The following ATP6V1E2 variants were observed in gnomAD, a reference collection of about 807,000 sequenced individuals.
ATP6V1E2 encodes the protein V-type proton ATPase subunit E 2.
For missense variants in ATP6V1E2, 308 were observed against 273.3 expected, an observed-to-expected ratio of 1.13 and a Z score of -0.90; for synonymous variants, 121 against 104.2, an observed-to-expected ratio of 1.16 and a Z score of -0.98.
At chr2:46,518,480 A>G (rs981549691) in intron 4 of ATP6V1E2, among the ~76,000 whole-genome samples, 2 of 108,660 alleles carry the variant, frequency 1.8e-5, no homozygotes, top group African/African-American at 7.6e-5. Context: ...TTTGTTACAC[A>G]CACACACACA....
At chr2:46,518,790 G>GTGTGTGTGTC (rs1195339858) in intron 4 of ATP6V1E2, among the ~76,000 whole-genome samples, 1 of 68,760 alleles carries the variant, frequency 1.5e-5, no homozygotes, top group African/African-American at 5.2e-5. Context: ...GTGTGTGTGT[G>GTGTGTGTGTC]TGTGTGTGTG....
Position 46,512,688 on chromosome 2 carries a change from CA to C in ATP6V1E2, c.23del (p.Val8GlyfsTer8), listed in dbSNP as rs746718362. The C allele has an allele frequency of 6.2e-7, 1 of 1,613,382 alleles. No individual in the cohort carries two copies. MALSDVD[V>X]KKQIKHMMAF... ...CCATCATGTGCTTAATCTGCTTTTT[CA>C]CATCGACATCACTCAGGGCCATGGC... On this transcript the variant is annotated frameshift_variant, in exon 5 of 5. Coordinates refer to ENST00000522587, the MANE Select transcript of ATP6V1E2 (RefSeq NM_001318063.2). LOFTEE classifies it low-confidence loss of function (END_TRUNC).
At chr2:46,526,081 T>G (rs1467276532) in intron 4 of ATP6V1E2, among the ~76,000 whole-genome samples, 2 of 152,134 alleles carry the variant, frequency 1.3e-5, no homozygotes, top group African/African-American at 4.8e-5. Context: ...CATAACAAAT[T>G]TTGCCATTTA....
At chr2:46,521,235 G>A (rs1002152545) in intron 4 of ATP6V1E2, among the ~76,000 whole-genome samples, 1 of 152,218 alleles carries the variant, frequency 6.6e-6, no homozygotes, top group African/African-American at 2.4e-5. Context: ...TAGAGGAAGT[G>A]TGAGCTGGGA....
At chr2:46,520,716 G>C (rs1351355568) in intron 4 of ATP6V1E2, among the ~76,000 whole-genome samples, 1 of 152,160 alleles carries the variant, frequency 6.6e-6, no homozygotes, top group Non-Finnish European at 1.5e-5. Flanking sequence ...TTCGGTGTTT[G>C]TTTTTCCAGT....
intron 4 of ATP6V1E2, among the ~76,000 whole-genome samples, chr2:46,527,121 C>G (rs1442026185): frequency 6.6e-6 from 1 of 152,114 alleles, no homozygotes; most frequent in Non-Finnish European, 1.5e-5. Flanking sequence ...GTGGCATGAT[C>G]ATAGCTCACT....
intron 4 of ATP6V1E2, among the ~76,000 whole-genome samples, chr2:46,526,477 C>T (rs1178532154): frequency 6.6e-6 from 1 of 152,172 alleles, no homozygotes; most frequent in Non-Finnish European, 1.5e-5. Flanking sequence ...CTATCACCAC[C>T]ATCTCCAGAA....
At chr2:46,513,018 A>G (rs566446767) in intron 4 of ATP6V1E2, among the ~76,000 whole-genome samples, 1 of 152,240 alleles carries the variant, frequency 6.6e-6, no homozygotes, top group Non-Finnish European at 1.5e-5. Context: ...TCTCATTGTT[A>G]TCAAATAATA....
intron 2 of ATP6V1E2, among the ~76,000 whole-genome samples, chr2:46,541,058 G>A (rs1183452461): frequency 2.6e-5 from 4 of 152,202 alleles, no homozygotes; most frequent in Non-Finnish European, 5.9e-5. Context: ...TCTCCTGGCT[G>A]AGTGCTCTCC....
chr2:46,539,763 C>T (rs1667635107), intron 2 of ATP6V1E2, among the ~76,000 whole-genome samples: 1 of 152,230 alleles, frequency 6.6e-6, no homozygotes, highest in Non-Finnish European at 1.5e-5. Flanking sequence ...CTTGGCCTTT[C>T]CCAGGCATTC....
chr2:46,520,677 C>G (rs1363260341), intron 4 of ATP6V1E2, among the ~76,000 whole-genome samples: 6 of 152,240 alleles, frequency 3.9e-5, no homozygotes, highest in African/African-American at 1.4e-4. Flanking sequence ...ACAGCATGGT[C>G]TGTTTTCCAG....
At position 46,511,981 on chromosome 2, in the gene ATP6V1E2, T is replaced by G; in HGVS notation, c.*50A>C. 6.6e-7 allele frequency: 1 copy of G among 1,504,832 alleles called. No individual in the cohort carries two copies. Among genetic ancestry groups the G allele is most frequent in the Non-Finnish European group, 8.9e-7 (1 of 1,126,748 alleles). The allele number at this position is 1,504,832 out of a possible 1,614,324, so 93.2% of individuals were successfully genotyped here. A position where few individuals can be genotyped will look rare whatever the true frequency, so the allele number is the denominator to read the frequency against. On this transcript the variant is annotated 3_prime_UTR_variant, in exon 5 of 5. Transcript: ENST00000522587. ...TACTAGTTTCCTTTCCCCAAAAAAC[T>G]TAAACTTTTATGGTTTAGTGGTTCA...
At chr2:46,534,708 C>T (rs1374176352) in intron 4 of ATP6V1E2, 1 of 152,102 alleles carries the variant, frequency 6.6e-6, no homozygotes. Context: ...CTTTCTAAAC[C>T]TTGTTGGAGG....
intron 4 of ATP6V1E2, among the ~76,000 whole-genome samples, chr2:46,521,857 A>T (rs1666643908): frequency 6.6e-6 from 1 of 151,874 alleles, no homozygotes; most frequent in Non-Finnish European, 1.5e-5. Flanking sequence ...CACCCGGCTA[A>T]TTTTTTGTAT....
At position 46,541,404 on chromosome 2, in the gene ATP6V1E2, A is replaced by C. The variant is rs1376405; in HGVS notation, c.-324T>G. 0.85 allele frequency: 129,979 copies of C among 152,260 alleles called. 55,704 individuals are homozygous for C. The highest frequency in any genetic ancestry group is 0.93 in the African/African-American group (38,516 of 41,526). The allele number at this position is 152,260 out of a possible 1,614,324, so 9.4% of individuals were successfully genotyped here. ...AAGGAACTTACAGTGATTTCCGAAG[A>C]CTTCCTGGGAGAGTGGAAATCAGAT... On this transcript the variant is annotated 5_prime_UTR_variant, in exon 2 of 5. Coordinates refer to ENST00000522587, the MANE Select transcript of ATP6V1E2 (RefSeq NM_001318063.2).
chr2:46,525,347 A>G (rs1666850199), intron 4 of ATP6V1E2, among the ~76,000 whole-genome samples: 1 of 151,878 alleles, frequency 6.6e-6, no homozygotes, highest in South Asian at 2.1e-4. Flanking sequence ...CTGTAGTCCC[A>G]GCTACTCGGG....
rs80008740 is a variant in ATP6V1E2, at chr2:46,521,616, G to C, written c.-101-8804C>G. On this transcript the variant is annotated intron_variant, in intron 4 of 4. Coordinates refer to ENST00000522587, the MANE Select transcript of ATP6V1E2 (RefSeq NM_001318063.2). ...GAAGTGGGTGAGAAAATGTAGAGAA[G>C]TAATGACTCCTTTGGGGGATTTTAA... is the stretch of plus-strand genomic sequence containing the variant. Among the ~76,000 whole-genome samples, 147 of 152,262 alleles carry C rather than the reference G, an allele frequency of 9.7e-4. 2 individuals are homozygous for C. In the East Asian group the frequency reaches 0.027, roughly 28 times the overall value.
At chr2:46,540,583 A>G (rs2103956794) in intron 2 of ATP6V1E2, among the ~76,000 whole-genome samples, 1 of 150,234 alleles carries the variant, frequency 6.7e-6, no homozygotes, top group East Asian at 1.9e-4. Flanking sequence ...TCTATCTCCA[A>G]TCCCTGAAAT....
intron 4 of ATP6V1E2, among the ~76,000 whole-genome samples, chr2:46,521,045 A>C (rs1666598327): frequency 6.6e-6 from 1 of 152,170 alleles, no homozygotes; most frequent in African/African-American, 2.4e-5. Flanking sequence ...GACATTTCCA[A>C]ACTGGTGATT....
Sources: gnomAD v4.1 joint callset for allele counts (sites outside exome capture counted in the v4.1 genomes callset) on GRCh38, gnomAD v4.1.1 for gene constraint, MANE v1.5 for transcripts, NCBI Gene and HGNC (gene_info 2026-07-23, HGNC 2026-07-21) for gene names.